Variants in KLF15 observed in about 807,000 individuals in gnomAD.
KLF15 encodes the protein KLF transcription factor 15, also known as Krueppel-like factor 15.
KLF15 carries 4 observed loss-of-function variants against 24.6 expected under a neutral mutation model. That is an observed-to-expected ratio of 0.16 (90% confidence interval 0.08 to 0.37). KLF15 has a LOEUF of 0.37. KLF15 is among the 10% of genes least tolerant of loss of function. KLF15 has a pLI of 1.00. For missense variants in KLF15, 496 were observed against 560.6 expected (o/e 0.88, Z 1.16); for synonymous variants, 246 against 236.3 (o/e 1.04, Z -0.37).
intron 1 of KLF15, among the ~76,000 whole-genome samples, chr3:126,355,798 C>A (rs1485618157): frequency 6.6e-6 from 1 of 152,208 alleles, no homozygotes; most frequent in Admixed American, 6.5e-5. Context: ...CCAACAGGGT[C>A]TTAATGCTGG....
chr3:126,294,864 TACACACACACACACACAC>T, the KLF15 span, among the ~76,000 whole-genome samples: 1 of 141,968 alleles, frequency 7.0e-6, no homozygotes, highest in South Asian at 2.3e-4. Context: ...TGCCCCTCCA[TACACACACACACACACAC>T]ACACACACAC....
At chr3:126,351,023 C>T (rs1283994472) in intron 2 of KLF15, among the ~76,000 whole-genome samples, 1 of 152,262 alleles carries the variant, frequency 6.6e-6, no homozygotes, top group Non-Finnish European at 1.5e-5. Context: ...AAGCAGCCTA[C>T]ATTTCAGGAA....
At chr3:126,293,787 C>G in the KLF15 span, 2 of 152,284 alleles carry the variant, frequency 1.3e-5, no homozygotes, top group Non-Finnish European at 2.9e-5. Context: ...CATGAACTCA[C>G]TTTCGAAAGT....
the KLF15 span, among the ~76,000 whole-genome samples, chr3:126,318,611 A>C: frequency 2.6e-5 from 4 of 152,206 alleles, no homozygotes; most frequent in African/African-American, 9.6e-5. Context: ...AATCTTCAAA[A>C]GTAATTTTAG....
chr3:126,293,367 A>T, the KLF15 span, among the ~76,000 whole-genome samples: 1 of 152,082 alleles, frequency 6.6e-6, no homozygotes, highest in Non-Finnish European at 1.5e-5. Context: ...TGACCTAGGG[A>T]AGACAGAGGA....
the KLF15 span, among the ~76,000 whole-genome samples, chr3:126,304,497 G>C: frequency 6.6e-6 from 1 of 152,124 alleles, no homozygotes; most frequent in African/African-American, 2.4e-5. Context: ...GCACTGACAT[G>C]TTTACAGCTG....
At chr3:126,345,475 G>GCA (rs1323903135) in intron 2 of KLF15, among the ~76,000 whole-genome samples, 3 of 151,734 alleles carry the variant, frequency 2.0e-5, no homozygotes, top group South Asian at 2.1e-4. Context: ...AAGCATGCAC[G>GCA]CACACACACA....
chr3:126,347,850 ACT>A (rs2082547219), intron 2 of KLF15, among the ~76,000 whole-genome samples: 1 of 152,196 alleles, frequency 6.6e-6, no homozygotes, highest in African/African-American at 2.4e-5. Context: ...GAGGGAGGGC[ACT>A]GTCCATTACA....
the KLF15 span, among the ~76,000 whole-genome samples, chr3:126,301,335 T>C: frequency 9.9e-5 from 15 of 152,156 alleles, no homozygotes; most frequent in Non-Finnish European, 1.9e-4. Flanking sequence ...TTGCTAATTG[T>C]AGAGGCTCTC....
At chr3:126,312,387 C>T in the KLF15 span, among the ~76,000 whole-genome samples, 1 of 152,146 alleles carries the variant, frequency 6.6e-6, no homozygotes, top group Non-Finnish European at 1.5e-5. Flanking sequence ...GTTGCCCAAG[C>T]TAGTCTCAAA....
At position 126,343,417 on chromosome 3, in the gene KLF15, C is replaced by T. The variant is rs2082498453; in HGVS notation, c.*310G>A. The T allele has an allele frequency of 5.9e-6, 2 of 340,574 alleles. No homozygotes were observed. Among genetic ancestry groups the T allele is most frequent in the South Asian group, 4.3e-5 (1 of 23,432 alleles). 21.1% of individuals were successfully genotyped at this position (340,574 alleles called of 1,614,324 possible). ...TGGGAGAAGGGCCAGGTCCCCAAAA[C>T]TCTGCCTGCAACCAGCGGCTGCAGC... On this transcript the variant is annotated 3_prime_UTR_variant, in exon 3 of 3. Coordinates refer to ENST00000296233, the MANE Select transcript of KLF15 (RefSeq NM_014079.4).
chr3:126,323,403 TTATATATATATATA>T, the KLF15 span, among the ~76,000 whole-genome samples: 9,964 of 49,776 alleles, frequency 0.2, 1,420 homozygotes, highest in South Asian at 0.26. Flanking sequence ...GCCCCAGTAG[TTATATATATATATA>T]TATATATATA....
the KLF15 span, among the ~76,000 whole-genome samples, chr3:126,298,222 A>G: frequency 1.3e-5 from 2 of 148,626 alleles, no homozygotes; most frequent in African/African-American, 4.9e-5. Flanking sequence ...ATTTTTTCAT[A>G]TGTTTGTTGG....
At chr3:126,353,606 G>A (rs895943151) in intron 1 of KLF15, among the ~76,000 whole-genome samples, 8 of 152,266 alleles carry the variant, frequency 5.3e-5, no homozygotes, top group East Asian at 1.9e-4. Flanking sequence ...TAACTAGGCC[G>A]CCTGCATTTT....
At chr3:126,320,597 G>A in the KLF15 span, among the ~76,000 whole-genome samples, 16 of 152,250 alleles carry the variant, frequency 1.1e-4, no homozygotes, top group Middle Eastern at 3.4e-3. Flanking sequence ...ATGCACACAC[G>A]AGCACACTGG....
chr3:126,340,204 C>A (rs1296442623), downstream of KLF15, among the ~76,000 whole-genome samples: 2 of 152,252 alleles, frequency 1.3e-5, no homozygotes, highest in Non-Finnish European at 2.9e-5. Context: ...GCAACATGTG[C>A]CCCACATTCC....
downstream of KLF15, among the ~76,000 whole-genome samples, chr3:126,341,510 A>G (rs1036065545): frequency 2.6e-5 from 4 of 152,296 alleles, no homozygotes; most frequent in South Asian, 4.1e-4. Flanking sequence ...GCTTCCCTAG[A>G]GTGTGTTTGC....
the KLF15 span, among the ~76,000 whole-genome samples, chr3:126,326,947 A>G: frequency 6.6e-6 from 1 of 152,194 alleles, no homozygotes; most frequent in Non-Finnish European, 1.5e-5. Context: ...TAGTGCAAAC[A>G]TTCTTGAATA....
At chr3:126,293,222 G>A in the KLF15 span, among the ~76,000 whole-genome samples, 1 of 152,042 alleles carries the variant, frequency 6.6e-6, no homozygotes, top group Non-Finnish European at 1.5e-5. Context: ...GGCTGAAGTG[G>A]GAGAATCGCT....
Sources: gnomAD v4.1 joint callset for allele counts (sites outside exome capture counted in the v4.1 genomes callset) on GRCh38, gnomAD v4.1.1 for gene constraint, MANE v1.5 for transcripts, NCBI Gene and HGNC (gene_info 2026-07-23, HGNC 2026-07-21) for gene names.